Variants in PSMA7 observed in about 807,000 individuals in gnomAD.
PSMA7 encodes proteasome subunit alpha type-7.
Under a neutral mutation model 31.3 loss-of-function variants are expected in PSMA7, and 5 were observed. The observed-to-expected ratio is 0.16, with a 90% confidence interval of 0.08 to 0.34. The LOEUF is 0.34. Among genes scored for constraint, PSMA7 ranks in the 10% least tolerant of loss-of-function variants. The pLI is 1.00. For synonymous variants in PSMA7, 155 were observed against 121.9 expected (o/e 1.27, Z -1.79); for missense variants, 217 against 327.5 (o/e 0.66, Z 2.60).
intron 1 of PSMA7, 99 bp from the exon 2 acceptor site, chr20:62,141,043 G>A (rs1329784584): frequency 1.5e-5 from 21 of 1,438,758 alleles, no homozygotes; most frequent in Non-Finnish European, 2.0e-5. Context: ...GCTGAGGTGG[G>A]TGGATGACTT....
chr20:62,142,196 C>CG (rs2056934326), intron 1 of PSMA7, among the ~76,000 whole-genome samples: 1 of 152,164 alleles, frequency 6.6e-6, no homozygotes, highest in South Asian at 2.1e-4. Context: ...ACTTGACCTT[C>CG]GACTGACTCG....
Position 62,139,951 on chromosome 20 carries a change from T to G in PSMA7, c.224-46A>C, listed in dbSNP as rs369930059. 5.6e-6 allele frequency: 9 copies of G among 1,599,770 alleles called. No homozygotes were observed. The African/African-American group carries it at 9.4e-5, about 17-fold the overall frequency. On this transcript the variant is annotated intron_variant, in intron 2 of 6. Transcript: ENST00000370873. ...CTTCTGCTAGAGAGACAGCACAAACTACAGGGTGGGGACAGACACGATGAC... is the reference window on the plus strand; with the variant it reads ...CTTCTGCTAGAGAGACAGCACAAACGACAGGGTGGGGACAGACACGATGAC...
At chr20:62,140,679 C>G in intron 2 of PSMA7, 139 bp downstream of exon 2, 1 of 1,168,182 alleles carries the variant, frequency 8.6e-7, no homozygotes, top group South Asian at 1.8e-5. Flanking sequence ...CTTAAAAGTC[C>G]AAATCCAATT....
rs774099616 is a variant in PSMA7, at chr20:62,139,917, G to A, written c.224-12C>T. ...ATCGGCGGTGAGGCCTGCAAGGAAA[G>A]CAGAGAGGCTTCTGCTAGAGAGACA... On this transcript the variant is annotated splice_polypyrimidine_tract_variant and intron_variant, in intron 2 of 6. Coordinates refer to ENST00000370873, the MANE Select transcript of PSMA7 (RefSeq NM_002792.4). 5 of 1,612,248 alleles carry A rather than the reference G, an allele frequency of 3.1e-6. No homozygotes were observed. In the African/African-American group the frequency reaches 5.3e-5, roughly 17 times the overall value.
chr20:62,142,821 C>T (rs1233795164), intron 1 of PSMA7, among the ~76,000 whole-genome samples: 2 of 151,936 alleles, frequency 1.3e-5, no homozygotes, highest in Non-Finnish European at 2.9e-5. Flanking sequence ...ACGGCCTACC[C>T]CCCGCGCTCC....
chr20:62,139,380 A>T, intron 3 of PSMA7, 183 bp from the exon 4 acceptor site: 2 of 813,976 alleles, frequency 2.5e-6, no homozygotes, highest in Non-Finnish European at 3.7e-6. Context: ...TCACTCCTAG[A>T]AAAACTCACC....
chr20:62,137,426 C>T lies in PSMA7; in HGVS notation c.592G>A (p.Val198Met). ...ATGTTTTTGCCACCTGACTGAACCA[C>T]CTTGAAGGGACAGAAGACAGGAGCA... Reference protein sequence around the residue: ...IKLVIKALLEVVQSGGKNIEL... With the variant: ...IKLVIKALLEMVQSGGKNIEL... The change falls in exon 6 of 7, where the codon GTG (valine) becomes ATG (methionine). Residue 198 changes from valine (V) to methionine (M), a missense_variant and splice_region_variant. Val to Met is a conservative substitution (Grantham distance 21). Transcript: ENST00000370873. 6.2e-7 allele frequency: 1 copy of T among 1,614,104 alleles called. No individual in the cohort carries two copies. Among genetic ancestry groups the T allele is most frequent in the East Asian group, 2.2e-5 (1 of 44,882 alleles).
intron 1 of PSMA7, among the ~76,000 whole-genome samples, chr20:62,141,552 C>T (rs1260170765): frequency 6.6e-6 from 1 of 152,242 alleles, no homozygotes; most frequent in Non-Finnish European, 1.5e-5. Flanking sequence ...TACAACATAG[C>T]TAGTAAGTAA....
rs768644212 is a variant in PSMA7, at chr20:62,140,991, G to A, written c.97-47C>T. The A allele has an allele frequency of 2.5e-6, 4 of 1,608,300 alleles. No homozygotes were observed. The South Asian group carries it at 4.4e-5, about 18-fold the overall frequency. ...CACGTAAGAAAGTGATATGAGTGCT[G>A]GGTGCAGTGGCTCATGCCTGTTAAT... On this transcript the variant is annotated intron_variant, in intron 1 of 6. Coordinates refer to ENST00000370873, the MANE Select transcript of PSMA7 (RefSeq NM_002792.4).
At chr20:62,139,288 A>G in intron 3 of PSMA7, 91 bp from the exon 4 acceptor site, 1 of 1,480,066 alleles carries the variant, frequency 6.8e-7, no homozygotes, top group Non-Finnish European at 9.2e-7. Context: ...AACATTTTAA[A>G]CCATGCCTGA....
intron 3 of PSMA7, 96 bp from the exon 4 acceptor site, chr20:62,139,293 G>T: frequency 6.9e-7 from 1 of 1,441,698 alleles, no homozygotes; most frequent in Non-Finnish European, 9.4e-7. Context: ...TTTAAACCAT[G>T]CCTGAGCCCC....
chr20:62,140,573 G>C (rs765018312), intron 2 of PSMA7, among the ~76,000 whole-genome samples: 74 of 152,186 alleles, frequency 4.9e-4, no homozygotes, highest in Admixed American at 2.0e-3. Context: ...AATAACAGTG[G>C]AGGTCAAATT....
intron 2 of PSMA7, 93 bp from the exon 3 acceptor site, chr20:62,139,998 A>AC (rs1036382131): frequency 4.7e-5 from 68 of 1,448,894 alleles, no homozygotes; most frequent in South Asian, 3.4e-4. Flanking sequence ...CCTTCCACAG[A>AC]CCCCCCAAAC....
At chr20:62,139,294 C>G in intron 3 of PSMA7, 97 bp from the exon 4 acceptor site, 2 of 1,433,198 alleles carry the variant, frequency 1.4e-6, no homozygotes, top group Non-Finnish European at 1.9e-6. Context: ...TTAAACCATG[C>G]CTGAGCCCCT....
intron 1 of PSMA7, chr20:62,142,442 G>A (rs1273576018): frequency 6.6e-6 from 1 of 152,282 alleles, no homozygotes; most frequent in Admixed American, 6.5e-5. Context: ...CTGAATACCA[G>A]ATGATAAAAG....
chr20:62,137,496 A>T, intron 5 of PSMA7, 70 bp from the exon 6 acceptor site: 1 of 1,452,484 alleles, frequency 6.9e-7, no homozygotes, highest in African/African-American at 1.4e-5. Context: ...TCTCAGGAGT[A>T]CCTTAAATAG....
At chr20:62,139,709 G>A (rs2056915487) in intron 3 of PSMA7, 72 bp downstream of exon 3, 1 of 1,611,040 alleles carries the variant, frequency 6.2e-7, no homozygotes, top group Non-Finnish European at 8.5e-7. Context: ...AAGTGACATG[G>A]CAGGACCCTC....
At position 62,141,228 on chromosome 20, in the gene PSMA7, A is replaced by AG. The variant is rs111831502; in HGVS notation, c.97-285dup. On this transcript the variant is annotated intron_variant, in intron 1 of 6. Coordinates refer to ENST00000370873, the MANE Select transcript of PSMA7 (RefSeq NM_002792.4). ...GCTGCAGTGAGCCATGACGGCTGGG[A>AG]GACAGAGACAGCAAGACCCTGTCCC... is the stretch of plus-strand genomic sequence containing the variant. Among the ~76,000 whole-genome samples, 1,396 of 152,304 alleles carry AG rather than the reference A, an allele frequency of 9.2e-3. 17 individuals carry two copies. The highest frequency in any genetic ancestry group is 0.03 in the African/African-American group (1,258 of 41,562).
At chr20:62,139,281 A>G (rs1301326984) in intron 3 of PSMA7, 84 bp from the exon 4 acceptor site, 1 of 1,507,824 alleles carries the variant, frequency 6.6e-7, no homozygotes, top group Non-Finnish European at 9.0e-7. Context: ...AGATACGAAC[A>G]TTTTAAACCA....
Sources: allele counts gnomAD v4.1 joint callset (sites outside exome capture counted in the v4.1 genomes callset), GRCh38; gene constraint gnomAD v4.1.1; transcripts MANE v1.5; gene names NCBI Gene and HGNC (gene_info 2026-07-23, HGNC 2026-07-21).